Variants in SPOCK1 observed in about 807,000 individuals in gnomAD.
The protein encoded by SPOCK1 is SPARC (osteonectin), cwcv and kazal like domains proteoglycan 1, also known as testican-1.
In SPOCK1, 23 loss-of-function variants were observed where a neutral mutation model predicts 55.3. The observed-to-expected ratio is 0.42, with a 90% CI of 0.30 to 0.59. The LOEUF (loss-of-function observed/expected upper bound fraction) is 0.59, where lower values mean the gene tolerates loss of function less well. SPOCK1 is among the 20% of genes least tolerant of loss of function. The pLI, the probability that SPOCK1 is intolerant of heterozygous loss-of-function variation, is 0.22. For synonymous variants in SPOCK1, 226 were observed against 221.0 expected, an observed-to-expected ratio of 1.02 and a Z score of -0.20; for missense variants, 499 against 552.5, an observed-to-expected ratio of 0.90 and a Z score of 0.97.
intron 2 of SPOCK1, among the ~76,000 whole-genome samples, chr5:137,350,710 C>T (rs1169917518): frequency 1.3e-5 from 2 of 152,052 alleles, no homozygotes; most frequent in East Asian, 3.9e-4. Flanking sequence ...AAGCAATCCT[C>T]AGCTGCAAGA....
chr5:137,086,636 G>C lies in SPOCK1; in HGVS notation c.475-18807C>G, dbSNP rs1752967112. Among the ~76,000 whole-genome samples the C allele has an allele frequency of 2.6e-5, 4 of 152,172 alleles. No individual in the cohort carries two copies. The South Asian group carries it at 8.3e-4, about 32-fold the overall frequency. ...GGCATTCACTCCCTCCACCATTCCT[G>C]CATCCACTGAGTAGGTCATGCAAGC... is the stretch of plus-strand genomic sequence containing the variant. On this transcript the variant is annotated intron_variant, in intron 5 of 10. Transcript: ENST00000394945.
At chr5:137,126,705 T>G (rs966848671) in intron 4 of SPOCK1, among the ~76,000 whole-genome samples, 12 of 152,132 alleles carry the variant, frequency 7.9e-5, no homozygotes, top group Admixed American at 2.0e-4. Context: ...GAGGCTGCAG[T>G]GAGCTGAGAT....
At chr5:137,466,903 G>C (rs777451957) in intron 2 of SPOCK1, among the ~76,000 whole-genome samples, 9 of 152,232 alleles carry the variant, frequency 5.9e-5, no homozygotes, top group Non-Finnish European at 1.0e-4. Flanking sequence ...TCTGCCTCAA[G>C]GTTTCTCACA....
chr5:136,996,720 G>A (rs1751045977), intron 6 of SPOCK1, among the ~76,000 whole-genome samples: 1 of 152,136 alleles, frequency 6.6e-6, no homozygotes, highest in Non-Finnish European at 1.5e-5. Context: ...TCTGTAGCTA[G>A]CAAGAGGACT....
chr5:137,156,969 A>C (rs1237607187), intron 3 of SPOCK1, among the ~76,000 whole-genome samples: 2 of 152,162 alleles, frequency 1.3e-5, no homozygotes, highest in Non-Finnish European at 2.9e-5. Context: ...ATATCACACA[A>C]AAATCTATCA....
At chr5:137,219,470 T>C (rs1187675930) in intron 3 of SPOCK1, among the ~76,000 whole-genome samples, 2 of 152,198 alleles carry the variant, frequency 1.3e-5, no homozygotes, top group Non-Finnish European at 2.9e-5. Flanking sequence ...TGTTTCTTTA[T>C]AAAAGGGGAT....
chr5:137,361,455 A>C (rs1018747597), intron 2 of SPOCK1, among the ~76,000 whole-genome samples: 14 of 152,338 alleles, frequency 9.2e-5, no homozygotes, highest in Admixed American at 9.2e-4. Flanking sequence ...GAGTGGATGC[A>C]TGGGTGGGTG....
intron 2 of SPOCK1, among the ~76,000 whole-genome samples, chr5:137,431,087 G>A (rs1027292703): frequency 6.6e-6 from 1 of 152,222 alleles, no homozygotes; most frequent in Non-Finnish European, 1.5e-5. Context: ...GAAGCAATGA[G>A]GGAGCCATAC....
chr5:137,100,432 G>A (rs1346010437), intron 5 of SPOCK1, among the ~76,000 whole-genome samples: 1 of 152,196 alleles, frequency 6.6e-6, no homozygotes, highest in African/African-American at 2.4e-5. Context: ...GAAAATGGTA[G>A]AAGACAACGT....
At chr5:137,384,028 C>T (rs1457032994) in intron 2 of SPOCK1, among the ~76,000 whole-genome samples, 1 of 152,218 alleles carries the variant, frequency 6.6e-6, no homozygotes, top group African/African-American at 2.4e-5. Context: ...GCCTCAAATG[C>T]CCAGTCCAGC....
chr5:137,270,681 G>C (rs1247551217), intron 2 of SPOCK1, among the ~76,000 whole-genome samples: 1 of 152,158 alleles, frequency 6.6e-6, no homozygotes, highest in African/African-American at 2.4e-5. Context: ...GAATCACATA[G>C]TATTCCAAGG....
At chr5:137,312,517 T>C (rs1241238073) in intron 2 of SPOCK1, among the ~76,000 whole-genome samples, 2 of 152,234 alleles carry the variant, frequency 1.3e-5, no homozygotes, top group Non-Finnish European at 2.9e-5. Flanking sequence ...GGTTGTTTTT[T>C]TTAAATTTTT....
intron 6 of SPOCK1, among the ~76,000 whole-genome samples, chr5:137,062,013 C>G (rs367560153): frequency 6.6e-6 from 1 of 152,230 alleles, no homozygotes; most frequent in Non-Finnish European, 1.5e-5. Flanking sequence ...GCTGATGGCA[C>G]GCAAGGATCT....
At chr5:137,338,420 G>T (rs1177348952) in intron 2 of SPOCK1, among the ~76,000 whole-genome samples, 3 of 151,890 alleles carry the variant, frequency 2.0e-5, no homozygotes, top group Non-Finnish European at 4.4e-5. Context: ...GTCTATCATT[G>T]ATGGACATTT....
At chr5:137,082,757 G>A (rs1402733204) in intron 5 of SPOCK1, among the ~76,000 whole-genome samples, 1 of 152,172 alleles carries the variant, frequency 6.6e-6, no homozygotes, top group African/African-American at 2.4e-5. Context: ...AGCAAAGTGG[G>A]GCAGCTTCAA....
At chr5:137,353,323 G>A (rs1309690084) in intron 2 of SPOCK1, among the ~76,000 whole-genome samples, 1 of 152,230 alleles carries the variant, frequency 6.6e-6, no homozygotes, top group Non-Finnish European at 1.5e-5. Context: ...CGAGGCTGCA[G>A]TGAGCAGAGA....
intron 4 of SPOCK1, among the ~76,000 whole-genome samples, chr5:137,138,504 T>TACATACAC (rs139399436): frequency 6.8e-6 from 1 of 147,606 alleles, no homozygotes; most frequent in African/African-American, 2.5e-5. Flanking sequence ...CACACAAACA[T>TACATACAC]ACACACACAC....
At chr5:137,420,282 C>T (rs1196498100) in intron 2 of SPOCK1, among the ~76,000 whole-genome samples, 1 of 152,154 alleles carries the variant, frequency 6.6e-6, no homozygotes, top group Non-Finnish European at 1.5e-5. Context: ...CTCTGCCAGG[C>T]TTTGGTATCA....
At chr5:137,130,773 G>A (rs994937883) in intron 4 of SPOCK1, among the ~76,000 whole-genome samples, 1 of 152,226 alleles carries the variant, frequency 6.6e-6, no homozygotes, top group Non-Finnish European at 1.5e-5. Flanking sequence ...ACGCATCATG[G>A]ACAAGCCAGG....
Sources: allele counts gnomAD v4.1 joint callset (sites outside exome capture counted in the v4.1 genomes callset), GRCh38; gene constraint gnomAD v4.1.1; transcripts MANE v1.5; gene names NCBI Gene and HGNC (gene_info 2026-07-23, HGNC 2026-07-21).